OSBP2: variants seen among roughly 807,000 people sequenced by gnomAD.
OSBP2 encodes the protein oxysterol binding protein 2.
In OSBP2, 66 loss-of-function variants were observed where a neutral mutation model predicts 96.0. The observed-to-expected ratio is 0.69, with a 90% CI of 0.56 to 0.84. The LOEUF (loss-of-function observed/expected upper bound fraction) is 0.84, where lower values mean the gene tolerates loss of function less well. Among genes scored for constraint, OSBP2 ranks in the 40% least tolerant of loss-of-function variants. OSBP2 has a pLI of 0.00. For synonymous variants in OSBP2, 525 were observed against 520.9 expected, an observed-to-expected ratio of 1.01 and a Z score of -0.11; for missense variants, 1,038 against 1,222.7, an observed-to-expected ratio of 0.85 and a Z score of 2.25.
At chr22:30,822,768 C>T (rs1486963034) in intron 2 of OSBP2, 1 of 1,404,224 alleles carries the variant, frequency 7.1e-7, no homozygotes, top group Non-Finnish European at 9.6e-7. Flanking sequence ...CATGCACGCC[C>T]GGTGCCTGGC....
chr22:30,877,790 T>G (rs906401533), intron 3 of OSBP2, among the ~76,000 whole-genome samples: 10 of 152,112 alleles, frequency 6.6e-5, no homozygotes, highest in African/African-American at 2.4e-4. Context: ...CGACCCCCAT[T>G]CCTGAACTTG....
At chr22:30,752,141 G>A (rs1041762019) in intron 2 of OSBP2, among the ~76,000 whole-genome samples, 7 of 152,096 alleles carry the variant, frequency 4.6e-5, no homozygotes, top group African/African-American at 1.7e-4. Context: ...TCTGCTCACT[G>A]CAGTAGTGAT....
At chr22:30,817,430 A>G (rs1193706362) in intron 2 of OSBP2, among the ~76,000 whole-genome samples, 2 of 152,230 alleles carry the variant, frequency 1.3e-5, no homozygotes, top group Admixed American at 6.5e-5. Flanking sequence ...GCTGTGGCCA[A>G]CTTGGGTCAG....
chr22:30,885,834 T>C (rs922889336), intron 3 of OSBP2, among the ~76,000 whole-genome samples: 2 of 152,242 alleles, frequency 1.3e-5, no homozygotes, highest in African/African-American at 4.8e-5. Context: ...TGCAGACCCG[T>C]GGCACCCAGG....
intron 2 of OSBP2, among the ~76,000 whole-genome samples, chr22:30,806,544 G>T (rs1430713627): frequency 6.6e-6 from 1 of 152,142 alleles, no homozygotes; most frequent in East Asian, 1.9e-4. Context: ...AATCAACTAG[G>T]CCAACCTCTC....
At position 30,725,548 on chromosome 22, in the gene OSBP2, A is replaced by AC. The variant is rs897554712; in HGVS notation, c.645-15613_645-15612insC. Among the ~76,000 whole-genome samples, 19 of 151,246 alleles carry AC rather than the reference A, an allele frequency of 1.3e-4. No homozygotes were observed. The East Asian group carries it at 1.8e-3, about 14-fold the overall frequency. ...AAAACAAAAACAAAAACAAAAACAA[A>AC]AAAAAAAACACACAAAAAAAACAAA... On this transcript the variant is annotated intron_variant, in intron 1 of 13. Transcript: ENST00000332585.
chr22:30,851,512 A>G (rs1399072776), intron 2 of OSBP2, among the ~76,000 whole-genome samples: 1 of 152,166 alleles, frequency 6.6e-6, no homozygotes, highest in Admixed American at 6.5e-5. Context: ...TTTCTAACAC[A>G]ATGTGATCAT....
chr22:30,751,279 C>T (rs117522396), intron 2 of OSBP2, among the ~76,000 whole-genome samples: 2,318 of 152,212 alleles, frequency 0.015, 31 homozygotes, highest in Middle Eastern at 0.044. Flanking sequence ...CATGGTCACT[C>T]ATATTTGGCT....
At chr22:30,796,575 A>G (rs1320603364) in intron 2 of OSBP2, among the ~76,000 whole-genome samples, 1 of 151,870 alleles carries the variant, frequency 6.6e-6, no homozygotes, top group Non-Finnish European at 1.5e-5. Flanking sequence ...ATACGATCTC[A>G]GTTTACTGCA....
intron 6 of OSBP2, 99 bp downstream of exon 6, chr22:30,889,333 C>A: frequency 7.0e-7 from 1 of 1,422,568 alleles, no homozygotes; most frequent in Non-Finnish European, 9.8e-7. Flanking sequence ...AGCAGGCAGG[C>A]CCATGCCCCA....
At chr22:30,808,751 G>A (rs978388364) in intron 2 of OSBP2, among the ~76,000 whole-genome samples, 2 of 151,912 alleles carry the variant, frequency 1.3e-5, no homozygotes, top group Non-Finnish European at 2.9e-5. Context: ...TCAGGAGATC[G>A]AGACCATCCT....
At chr22:30,725,610 A>G (rs2089636050) in intron 1 of OSBP2, among the ~76,000 whole-genome samples, 1 of 151,552 alleles carries the variant, frequency 6.6e-6, no homozygotes. Flanking sequence ...AGTTCTATGG[A>G]CCAGGGCAAG....
At position 30,890,805 on chromosome 22, in the gene OSBP2, A is replaced by C; in HGVS notation, c.1701A>C (p.Ala567=). The change falls in exon 8 of 14, where the codon GCA becomes GCC. Residue 567 remains alanine (A), a synonymous_variant. Transcript: ENST00000332585. The surrounding 1 kb of genome is among the most constrained non-coding windows in gnomAD (Gnocchi z 4.4). ...AGTACCACCACCTGCTGGACAAGGC[A>C]GTGCACTGCACCAGCTCAGTGGAGC... ...DLEYHHLLDK[A]VHCTSSVEQM... is the part of the protein sequence containing the mutation. The C allele has an allele frequency of 6.2e-7, 1 of 1,613,694 alleles. No homozygotes were observed. Among genetic ancestry groups the C allele is most frequent in the Non-Finnish European group, 8.5e-7 (1 of 1,180,004 alleles).
At position 30,871,975 on chromosome 22, in the gene OSBP2, G is replaced by GGT. The variant is rs2147112478; in HGVS notation, c.1107+1297_1107+1298dup. 6.6e-6 allele frequency among the ~76,000 whole-genome samples: 1 copy of GGT among 152,372 alleles called. No homozygotes were observed. Among genetic ancestry groups the GGT allele is most frequent in the South Asian group, 2.1e-4 (1 of 4,834 alleles). On this transcript the variant is annotated intron_variant, in intron 3 of 13. Coordinates refer to ENST00000332585, the MANE Select transcript of OSBP2 (RefSeq NM_030758.4). This position sits in a 1 kb window ranked among gnomAD's most constrained non-coding sequence, Gnocchi z 4.7. The stretch of plus-strand genomic sequence containing the variant: ...CACCCTGGGGCCTGAGGCTGGGCGA[G>GGT]GTGTGCCCCCCTTCCCGACTGCTGG...
At chr22:30,778,398 C>G (rs754149228) in intron 2 of OSBP2, among the ~76,000 whole-genome samples, 1 of 151,992 alleles carries the variant, frequency 6.6e-6, no homozygotes, top group Non-Finnish European at 1.5e-5. Flanking sequence ...CATCAGCATG[C>G]TGGCTGCTCT....
At chr22:30,707,019 A>G (rs1469421272) in intron 1 of OSBP2, among the ~76,000 whole-genome samples, 1 of 152,050 alleles carries the variant, frequency 6.6e-6, no homozygotes, top group Admixed American at 6.6e-5. Context: ...CCACCGGAAC[A>G]TAGGGCCATG....
At chr22:30,753,156 G>A (rs934057924) in intron 2 of OSBP2, among the ~76,000 whole-genome samples, 3 of 152,176 alleles carry the variant, frequency 2.0e-5, no homozygotes, top group Non-Finnish European at 2.9e-5. Flanking sequence ...CCACAGAGGT[G>A]AGAACCAAGA....
intron 2 of OSBP2, among the ~76,000 whole-genome samples, chr22:30,820,236 A>G (rs2091130927): frequency 6.6e-6 from 1 of 151,958 alleles, no homozygotes; most frequent in Non-Finnish European, 1.5e-5. Context: ...AAAATAAATA[A>G]AAATTAGCTG....
chr22:30,893,598 G>A, intron 10 of OSBP2, 32 bp downstream of exon 10: 1 of 1,613,028 alleles, frequency 6.2e-7, no homozygotes, highest in Non-Finnish European at 8.5e-7. Context: ...GGGGTGCATG[G>A]CCCGGGGGCT....
Sources: gnomAD v4.1 joint callset for allele counts (sites outside exome capture counted in the v4.1 genomes callset) on GRCh38, gnomAD v4.1.1 for gene constraint, Gnocchi (gnomAD v3.1) non-coding constraint, MANE v1.5 for transcripts, NCBI Gene and HGNC (gene_info 2026-07-23, HGNC 2026-07-21) for gene names.